Variants in UTP18 observed in about 807,000 individuals in gnomAD.
UTP18 encodes U3 small nucleolar RNA-associated protein 18 homolog.
UTP18 carries 36 observed loss-of-function variants against 61.1 expected under a neutral mutation model. The ratio of observed to expected loss-of-function variants is 0.59; its 90% CI spans 0.45 to 0.78. The LOEUF is 0.78. UTP18 is among the 30% of genes least tolerant of loss of function. The pLI is 0.00. For missense variants in UTP18, 753 were observed against 693.9 expected (o/e 1.09, Z -0.96); for synonymous variants, 282 against 251.1 (o/e 1.12, Z -1.16).
chr17:51,287,916 T>C, intron 10 of UTP18, 113 bp from the exon 11 acceptor site: 1 of 801,818 alleles, frequency 1.2e-6, no homozygotes, highest in South Asian at 3.2e-5. Flanking sequence ...GCTGGTCTCT[T>C]TGTAACATGA....
intron 12 of UTP18, 99 bp from the exon 13 acceptor site, chr17:51,296,866 T>C: frequency 8.9e-7 from 1 of 1,120,976 alleles, no homozygotes; most frequent in Non-Finnish European, 1.3e-6. Context: ...TTACATATTT[T>C]TCCCACTAAA....
intron 4 of UTP18, 116 bp downstream of exon 4, chr17:51,269,020 C>A: frequency 2.0e-6 from 2 of 1,012,726 alleles, no homozygotes; most frequent in South Asian, 1.4e-5. Context: ...GGCTCGGTAG[C>A]TCACGCCTGT....
chr17:51,280,172 T>A, intron 8 of UTP18, 67 bp downstream of exon 8: 1 of 1,493,934 alleles, frequency 6.7e-7, no homozygotes, highest in Non-Finnish European at 9.2e-7. Flanking sequence ...GTCTTGCACC[T>A]TAACTCAGTG....
intron 9 of UTP18, among the ~76,000 whole-genome samples, chr17:51,281,813 T>C (rs974559073): frequency 1.3e-5 from 2 of 152,250 alleles, no homozygotes; most frequent in African/African-American, 4.8e-5. Flanking sequence ...TTTAAATAAG[T>C]AGTCCTACCT....
chr17:51,266,300 T>C lies in UTP18; in HGVS notation c.554+20T>C, dbSNP rs893435310. On this transcript the variant is annotated intron_variant, in intron 3 of 13. Transcript: ENST00000225298. ...AGAAGAGTAAGTGTCTTTTTTCATATGATTTACCAAGAGGTGTATGTAACC... is the reference window on the plus strand; with the variant it reads ...AGAAGAGTAAGTGTCTTTTTTCATACGATTTACCAAGAGGTGTATGTAACC... 3.9e-6 allele frequency: 6 copies of C among 1,552,916 alleles called. No homozygotes were observed. The highest frequency in any genetic ancestry group is 2.3e-5 in the East Asian group (1 of 42,622).
intron 9 of UTP18, among the ~76,000 whole-genome samples, chr17:51,284,849 T>A (rs1905052612): frequency 6.6e-6 from 1 of 151,978 alleles, no homozygotes; most frequent in Non-Finnish European, 1.5e-5. Context: ...TCACCTGAGG[T>A]CAAGAGTTCG....
intron 5 of UTP18, 37 bp downstream of exon 5, chr17:51,273,487 A>C: frequency 6.7e-7 from 1 of 1,498,084 alleles, no homozygotes; most frequent in Non-Finnish European, 9.2e-7. Flanking sequence ...CTATCTAACT[A>C]CTTACCTCTG....
Position 51,297,817 on chromosome 17 carries a change from T to C in UTP18, c.*50T>C, listed in dbSNP as rs1237221697. 2.6e-6 allele frequency: 1 copy of C among 387,330 alleles called. No homozygotes were observed. The highest frequency in any genetic ancestry group is 2.0e-5 in the South Asian group (1 of 51,276). 24.0% of individuals were successfully genotyped at this position (387,330 alleles called of 1,614,324 possible). On this transcript the variant is annotated 3_prime_UTR_variant, in exon 14 of 14. Coordinates refer to ENST00000225298, the MANE Select transcript of UTP18 (RefSeq NM_016001.3). ...GTCACAAGAGAAGCCTGTCTTGATA[T>C]ATCATCTCAGAAACTTTCCTGAATA...
At chr17:51,260,965 G>C in intron 1 of UTP18, 39 bp downstream of exon 1, 1 of 1,429,820 alleles carries the variant, frequency 7.0e-7, no homozygotes, top group Non-Finnish European at 9.1e-7. Context: ...GCGCACTCGG[G>C]CGGGGCGCGC....
chr17:51,293,656 C>A (rs1905288731), intron 11 of UTP18, among the ~76,000 whole-genome samples: 1 of 152,130 alleles, frequency 6.6e-6, no homozygotes, highest in Non-Finnish European at 1.5e-5. Context: ...AGAGCCCAGA[C>A]TTCACCACTG....
At chr17:51,275,583 G>A (rs777197647) in intron 5 of UTP18, among the ~76,000 whole-genome samples, 23 of 152,188 alleles carry the variant, frequency 1.5e-4, no homozygotes, top group Non-Finnish European at 3.4e-4. Context: ...CTCCAAGAAT[G>A]AGTAATACAT....
At chr17:51,275,566 A>G (rs761022696) in intron 5 of UTP18, among the ~76,000 whole-genome samples, 10 of 152,234 alleles carry the variant, frequency 6.6e-5, no homozygotes, top group Non-Finnish European at 1.0e-4. Context: ...ATGACTACAT[A>G]CTAGTGCTCC....
At position 51,267,429 on chromosome 17, in the gene UTP18, C is replaced by T. The variant is rs117654030; in HGVS notation, c.554+1149C>T. On this transcript the variant is annotated intron_variant, in intron 3 of 13. Transcript: ENST00000225298. ...TATATTTAGAATGTTGTGCCACCAC[C>T]TCTTCAATCTAGTTCTAAAACTTTT... 1.7e-4 allele frequency among the ~76,000 whole-genome samples: 26 copies of T among 150,366 alleles called. No homozygotes were observed. In the East Asian group the frequency reaches 5.1e-3, roughly 29 times the overall value.
Position 51,280,328 on chromosome 17 carries a change from A to G in UTP18, c.1114-61A>G, listed in dbSNP as rs1170453628. On this transcript the variant is annotated intron_variant, in intron 8 of 13. Coordinates refer to ENST00000225298, the MANE Select transcript of UTP18 (RefSeq NM_016001.3). ...TAGAGAACTAGGTTGTTTTTACTCT[A>G]CATTGTGTGATTCTTCTGTATACTT... 16 of 1,566,066 alleles carry G rather than the reference A, an allele frequency of 1.0e-5. No individual in the cohort carries two copies. In the African/African-American group the frequency reaches 1.8e-4, roughly 17 times the overall value.
At position 51,260,629 on chromosome 17, in the gene UTP18, C is replaced by T. The variant is rs759319588; in HGVS notation, c.45C>T (p.Thr15=). ...RRRRMKLDRR[T]GAKPKRKPGM... is the part of the protein sequence containing the mutation. ...GACGAATGAAACTGGACCGGAGAAC[C>T]GGAGCGAAGCCGAAGCGGAAGCCCG... is the stretch of plus-strand genomic sequence containing the variant. Residue 15 remains threonine (T), a synonymous_variant, in exon 1 of 14, where the codon ACC becomes ACT. Coordinates refer to ENST00000225298, the MANE Select transcript of UTP18 (RefSeq NM_016001.3). The T allele has an allele frequency of 6.2e-7, 1 of 1,612,646 alleles. No individual in the cohort carries two copies.
chr17:51,268,755 C>A (rs1488983198), intron 3 of UTP18, 82 bp from the exon 4 acceptor site: 4 of 1,117,698 alleles, frequency 3.6e-6, no homozygotes, highest in Non-Finnish European at 5.3e-6. Context: ...AAGGGTGATT[C>A]AACGTATATG....
chr17:51,276,882 C>T (rs78572939), intron 6 of UTP18, among the ~76,000 whole-genome samples: 4,511 of 152,240 alleles, frequency 0.03, 86 homozygotes, highest in Admixed American at 0.032. Context: ...TCTCAGGGCA[C>T]GCCACCTCCT....
At chr17:51,266,930 C>A (rs2055567487) in intron 3 of UTP18, among the ~76,000 whole-genome samples, 1 of 152,112 alleles carries the variant, frequency 6.6e-6, no homozygotes, top group African/African-American at 2.4e-5. Context: ...GCTGTCATGG[C>A]TCATTGCAAC....
At chr17:51,270,886 T>A (rs965210746) in intron 4 of UTP18, among the ~76,000 whole-genome samples, 10 of 152,198 alleles carry the variant, frequency 6.6e-5, no homozygotes, top group African/African-American at 2.4e-4. Context: ...TCTAACACAT[T>A]CATTTTGTAC....
Sources: gnomAD v4.1 joint callset for allele counts (sites outside exome capture counted in the v4.1 genomes callset) on GRCh38, gnomAD v4.1.1 for gene constraint, MANE v1.5 for transcripts, NCBI Gene and HGNC (gene_info 2026-07-23, HGNC 2026-07-21) for gene names.